The following CDC73 variants were observed in gnomAD, a reference collection of about 807,000 sequenced individuals.
CDC73 encodes the protein cell division cycle 73.
CDC73 carries 21 observed loss-of-function variants against 83.7 expected under a neutral mutation model. The ratio of observed to expected loss-of-function variants is 0.25; its 90% confidence interval spans 0.18 to 0.36. The LOEUF is 0.36. Among genes scored for constraint, CDC73 ranks in the 10% least tolerant of loss-of-function variants. CDC73 has a pLI of 1.00. For missense variants in CDC73, 342 were observed against 653.3 expected (o/e 0.52, Z 5.19); for synonymous variants, 224 against 212.9 (o/e 1.05, Z -0.45).
chr1:193,200,167 T>C (rs1254090868), intron 10 of CDC73, among the ~76,000 whole-genome samples: 3 of 152,008 alleles, frequency 2.0e-5, no homozygotes, highest in African/African-American at 4.8e-5. Context: ...AAGGCTGCAG[T>C]GAGCCAAGAT....
intron 10 of CDC73, among the ~76,000 whole-genome samples, chr1:193,191,208 A>G (rs535368964): frequency 8.5e-5 from 13 of 152,320 alleles, no homozygotes; most frequent in African/African-American, 2.6e-4. Flanking sequence ...ATGGTTCACC[A>G]TATCAAAAAA....
At chr1:193,190,017 G>A (rs1384305068) in intron 10 of CDC73, among the ~76,000 whole-genome samples, 1 of 152,134 alleles carries the variant, frequency 6.6e-6, no homozygotes, top group African/African-American at 2.4e-5. Context: ...ACATTAGAAG[G>A]GAGACATGAA....
chr1:193,138,273 T>G (rs1486035484), intron 6 of CDC73, 100 bp downstream of exon 6: 20 of 842,014 alleles, frequency 2.4e-5, no homozygotes, highest in South Asian at 1.1e-4. Flanking sequence ...ATTTACCTCT[T>G]GGATTCATTT....
chr1:193,235,485 G>T (rs1677741036), intron 14 of CDC73, among the ~76,000 whole-genome samples: 2 of 152,140 alleles, frequency 1.3e-5, no homozygotes, highest in Non-Finnish European at 2.9e-5. Context: ...TGCTGATAAT[G>T]TTGTTGTTTT....
chr1:193,198,197 A>AT (rs1473647973), intron 10 of CDC73, among the ~76,000 whole-genome samples: 1 of 152,174 alleles, frequency 6.6e-6, no homozygotes, highest in African/African-American at 2.4e-5. Flanking sequence ...TTGCAGTCTG[A>AT]TTGGGGGAAG....
chr1:193,173,456 A>G (rs965723072), intron 10 of CDC73, among the ~76,000 whole-genome samples: 1 of 152,174 alleles, frequency 6.6e-6, no homozygotes, highest in African/African-American at 2.4e-5. Flanking sequence ...AAACATATGG[A>G]CATCTTTTAC....
chr1:193,247,085 T>G (rs1010585299), intron 15 of CDC73, among the ~76,000 whole-genome samples: 3 of 152,314 alleles, frequency 2.0e-5, no homozygotes, highest in South Asian at 2.1e-4. Context: ...GTTTTGTGCT[T>G]TGCTTTATCA....
chr1:193,214,171 G>T (rs1306761993), intron 13 of CDC73, among the ~76,000 whole-genome samples: 2 of 152,154 alleles, frequency 1.3e-5, no homozygotes, highest in African/African-American at 4.8e-5. Flanking sequence ...GGCAACACCA[G>T]TGCACTTTAT....
Position 193,233,007 on chromosome 1 carries a change from A to G in CDC73, c.1169A>G (p.Asp390Gly), listed in dbSNP as rs1677687595. ...LLQDLKFVPS[D>G]EKKKQGCQRE... ...TTTTTTCAAAGATTTGTCCCATCAG[A>G]TGAAAAGAAGAAACAAGGTTGTCAA... Residue 390 changes from aspartate to glycine, a missense_variant, in exon 14 of 17, where the codon GAT becomes GGT. Asp to Gly is a moderately conservative substitution (Grantham distance 94). This residue lies in a region of CDC73 where 239 missense variants were observed against 420.6 expected (regional missense o/e 0.57). Transcript: ENST00000367435. 1 of 1,613,642 alleles carries G rather than the reference A, an allele frequency of 6.2e-7. No individual in the cohort carries two copies. Among genetic ancestry groups the G allele is most frequent in the African/African-American group, 1.3e-5 (1 of 74,906 alleles).
intron 3 of CDC73, among the ~76,000 whole-genome samples, chr1:193,134,930 A>G (rs1462529980): frequency 6.6e-6 from 1 of 152,216 alleles, no homozygotes; most frequent in Non-Finnish European, 1.5e-5. Context: ...AGCCATTCAA[A>G]AATTAAGTAA....
At chr1:193,232,620 A>G (rs1298604032) in intron 13 of CDC73, among the ~76,000 whole-genome samples, 1 of 152,170 alleles carries the variant, frequency 6.6e-6, no homozygotes, top group Non-Finnish European at 1.5e-5. Context: ...AAATTATTTC[A>G]GACCGGGCGT....
In CDC73 at chr1:193,146,517, G is replaced by A. The variant is rs1676003620; in HGVS notation, c.730-1350G>A. Among the ~76,000 whole-genome samples, 3 of 150,302 alleles carry A rather than the reference G, an allele frequency of 2.0e-5. 1 individual carries two copies. In the South Asian group the frequency reaches 6.3e-4, roughly 31 times the overall value. ...AGCAAGCAAGCAAGCAAGCAAGCAA[G>A]CAAATGAGACACAGAGAGAAATGGG... On this transcript the variant is annotated intron_variant, in intron 7 of 16. Transcript: ENST00000367435.
At chr1:193,140,145 C>T (rs911916219) in intron 6 of CDC73, among the ~76,000 whole-genome samples, 2 of 152,186 alleles carry the variant, frequency 1.3e-5, no homozygotes, top group Non-Finnish European at 2.9e-5. Context: ...GTCTTGGAAA[C>T]TTACAGGCAA....
At chr1:193,226,963 G>A (rs934177038) in intron 13 of CDC73, among the ~76,000 whole-genome samples, 4 of 151,882 alleles carry the variant, frequency 2.6e-5, no homozygotes, top group Non-Finnish European at 5.9e-5. Context: ...TTTTTTGTTG[G>A]TAATTTTTAA....
intron 1 of CDC73, chr1:193,122,602 A>T (rs545046699): frequency 1.6e-5 from 7 of 438,078 alleles, no homozygotes; most frequent in Non-Finnish European, 2.6e-5. Flanking sequence ...AATTTTTATC[A>T]GTAGGTATGT....
Position 193,241,822 on chromosome 1 carries a change from T to C in CDC73, c.1417+5466T>C, listed in dbSNP as rs538026513. Reference sequence around the variant, plus strand: ...AAGGGGAGGACAGAGCCCAGCCAAGTTGGCCTGTCCTCAGGCCTCCAGGTC... The same window carrying C: ...AAGGGGAGGACAGAGCCCAGCCAAGCTGGCCTGTCCTCAGGCCTCCAGGTC... On this transcript the variant is annotated intron_variant, in intron 15 of 16. Coordinates refer to ENST00000367435, the MANE Select transcript of CDC73 (RefSeq NM_024529.5). 1.3e-4 allele frequency among the ~76,000 whole-genome samples: 20 copies of C among 152,326 alleles called. 1 individual carries two copies. In the South Asian group the frequency reaches 1.4e-3, roughly 11 times the overall value.
chr1:193,176,263 C>T (rs1433043292), intron 10 of CDC73, among the ~76,000 whole-genome samples: 1 of 152,162 alleles, frequency 6.6e-6, no homozygotes, highest in Non-Finnish European at 1.5e-5. Flanking sequence ...TAAACCGTTT[C>T]CCTGATCTTT....
At chr1:193,217,147 C>G (rs1201366579) in intron 13 of CDC73, among the ~76,000 whole-genome samples, 2 of 152,104 alleles carry the variant, frequency 1.3e-5, no homozygotes, top group Non-Finnish European at 2.9e-5. Context: ...CAATACCCAG[C>G]TGCTGCTGAA....
At chr1:193,153,137 G>T (rs893706834) in intron 10 of CDC73, among the ~76,000 whole-genome samples, 12 of 152,100 alleles carry the variant, frequency 7.9e-5, no homozygotes, top group Non-Finnish European at 1.5e-4. Flanking sequence ...TGCTTACAAA[G>T]TATGTAATTA....
Sources: gnomAD v4.1 joint callset for allele counts (sites outside exome capture counted in the v4.1 genomes callset) on GRCh38, gnomAD v4.1.1 for gene constraint, gnomAD v4.1.1 regional missense constraint, MANE v1.5 for transcripts, NCBI Gene and HGNC (gene_info 2026-07-23, HGNC 2026-07-21) for gene names.